MAPK9: variants seen among roughly 807,000 people sequenced by gnomAD.
MAPK9 encodes Jun kinase.
Under a neutral mutation model 57.1 loss-of-function variants are expected in MAPK9, and 30 were observed. The observed-to-expected ratio is 0.53, with a 90% CI of 0.39 to 0.71. The LOEUF (loss-of-function observed/expected upper bound fraction) is 0.71. Ranked by LOEUF, MAPK9 falls within the 30% of genes least tolerant of loss-of-function variation. The pLI is 0.00. For missense variants in MAPK9, 362 were observed against 521.0 expected (o/e 0.69, Z 2.97); for synonymous variants, 155 against 177.0 (o/e 0.88, Z 0.99).
intron 8 of MAPK9, among the ~76,000 whole-genome samples, chr5:180,241,901 C>T (rs908553580): frequency 3.3e-5 from 5 of 152,204 alleles, no homozygotes; most frequent in African/African-American, 1.2e-4. Flanking sequence ...ACTTTTCAAA[C>T]CACACAACAA....
intron 5 of MAPK9, among the ~76,000 whole-genome samples, chr5:180,259,634 G>A (rs1759705579): frequency 6.6e-6 from 1 of 152,116 alleles, no homozygotes; most frequent in Non-Finnish European, 1.5e-5. Flanking sequence ...TTGACTGTAA[G>A]GAATGTGGTC....
chr5:180,283,700 C>T (rs993176598), intron 1 of MAPK9, among the ~76,000 whole-genome samples: 1 of 152,182 alleles, frequency 6.6e-6, no homozygotes, highest in Non-Finnish European at 1.5e-5. Context: ...CTTTGGGAGG[C>T]CAACGTGGGG....
chr5:180,276,215 T>C (rs893743788), intron 2 of MAPK9, among the ~76,000 whole-genome samples: 6 of 152,332 alleles, frequency 3.9e-5, no homozygotes, highest in Middle Eastern at 3.4e-3. Flanking sequence ...AAATAAACCA[T>C]GTTAAGAACA....
At chr5:180,281,058 C>G (rs1762275029) in intron 1 of MAPK9, among the ~76,000 whole-genome samples, 1 of 152,202 alleles carries the variant, frequency 6.6e-6, no homozygotes, top group African/African-American at 2.4e-5. Flanking sequence ...CAGTCTTCTG[C>G]TCAGTGTATA....
At chr5:180,283,139 T>C (rs907999756) in intron 1 of MAPK9, among the ~76,000 whole-genome samples, 1 of 152,146 alleles carries the variant, frequency 6.6e-6, no homozygotes, top group African/African-American at 2.4e-5. Context: ...CTCGCTTTCA[T>C]AAGAGAAGCC....
chr5:180,287,134 A>T (rs1762839489), intron 1 of MAPK9: 1 of 152,244 alleles, frequency 6.6e-6, no homozygotes, highest in African/African-American at 2.4e-5. Context: ...AATGGTGGGG[A>T]AAAGGGGCTG....
intron 1 of MAPK9, 96 bp downstream of exon 1, chr5:180,291,752 C>T (rs2127640097): frequency 6.7e-6 from 1 of 149,422 alleles, no homozygotes; most frequent in Admixed American, 6.7e-5. Flanking sequence ...CCCCGGCCCG[C>T]CCCGAAGCCC....
chr5:180,259,579 G>A (rs1306515042), intron 5 of MAPK9, among the ~76,000 whole-genome samples: 1 of 150,950 alleles, frequency 6.6e-6, no homozygotes, highest in Non-Finnish European at 1.5e-5. Flanking sequence ...AGACATTCCA[G>A]TTCTCTATGT....
At position 180,261,734 on chromosome 5, in the gene MAPK9, G is replaced by T; in HGVS notation, c.400C>A (p.Gln134Lys). 1 of 1,612,908 alleles carries T rather than the reference G, an allele frequency of 6.2e-7. No homozygotes were observed. The highest frequency in any genetic ancestry group is 8.5e-7 in the Non-Finnish European group (1 of 1,179,232). The change falls in exon 5 of 12, where the codon CAG becomes AAG. Residue 134 changes from glutamine (Q) to lysine (K), a missense_variant. Gln to Lys is a moderately conservative substitution (Grantham distance 53, BLOSUM62 1). Around this residue, in one of 3 missense-constraint regions of MAPK9, gnomAD observed 127 missense variants for 231.7 expected, o/e 0.55. Coordinates refer to ENST00000452135, the MANE Select transcript of MAPK9 (RefSeq NM_002752.5). ...AGATGTTTAATACCACAAAGCATCT[G>T]GTAAAGAAGGTAGGACATTCTTTCA... ...DHERMSYLLY[Q>K]MLCGIKHLHS...
intron 1 of MAPK9, among the ~76,000 whole-genome samples, chr5:180,282,215 T>C (rs1762373307): frequency 6.6e-6 from 1 of 152,242 alleles, no homozygotes; most frequent in Non-Finnish European, 1.5e-5. Context: ...ATTTTACTGA[T>C]ATCTAAAGGA....
At chr5:180,289,574 C>T (rs1763052582) in intron 1 of MAPK9, among the ~76,000 whole-genome samples, 6 of 152,146 alleles carry the variant, frequency 3.9e-5, no homozygotes, top group Admixed American at 3.9e-4. Flanking sequence ...CAGCTGCTTG[C>T]TAAGAAACAG....
intron 8 of MAPK9, among the ~76,000 whole-genome samples, chr5:180,241,930 T>TAAAAC (rs1757702576): frequency 6.6e-6 from 1 of 152,040 alleles, no homozygotes; most frequent in South Asian, 2.1e-4. Context: ...TCCCACAGGA[T>TAAAAC]AAAACACTCA....
intron 7 of MAPK9, among the ~76,000 whole-genome samples, chr5:180,245,595 A>G (rs991071481): frequency 6.6e-6 from 1 of 152,096 alleles, no homozygotes; most frequent in African/African-American, 2.4e-5. Context: ...GGGGAAGGGG[A>G]ACAATAATTC....
intron 1 of MAPK9, among the ~76,000 whole-genome samples, chr5:180,282,676 A>C (rs1251165731): frequency 6.6e-6 from 1 of 152,194 alleles, no homozygotes; most frequent in Non-Finnish European, 1.5e-5. Flanking sequence ...CTCAGCAAAA[A>C]GGCAGGCACC....
intron 4 of MAPK9, among the ~76,000 whole-genome samples, chr5:180,262,718 T>C (rs1198089836): frequency 2.0e-5 from 3 of 152,178 alleles, no homozygotes. Context: ...ATTACAGGCA[T>C]GAGCCACTGC....
chr5:180,282,907 A>T (rs1177014938), intron 1 of MAPK9, among the ~76,000 whole-genome samples: 1 of 152,166 alleles, frequency 6.6e-6, no homozygotes, highest in African/African-American at 2.4e-5. Flanking sequence ...GAATGGGAGG[A>T]GAAGCAGCAG....
chr5:180,281,865 C>T lies in MAPK9; in HGVS notation c.-47-1257G>A, dbSNP rs565646226. Among the ~76,000 whole-genome samples, 4 of 152,332 alleles carry T rather than the reference C, an allele frequency of 2.6e-5. No homozygotes were observed. The South Asian group carries it at 8.3e-4, about 32-fold the overall frequency. On this transcript the variant is annotated intron_variant, in intron 1 of 11. Transcript: ENST00000452135. ...CTCCTGCCGAGGTGTGTTAGCGTGC[C>T]AGCCAGGGAGTGACTCCAGTGACGC...
chr5:180,238,316 T>C lies in MAPK9; in HGVS notation c.1132+16A>G, dbSNP rs982651611. 1.3e-6 allele frequency: 2 copies of C among 1,595,834 alleles called. No individual in the cohort carries two copies. Among genetic ancestry groups the C allele is most frequent in the Non-Finnish European group, 1.7e-6 (2 of 1,166,398 alleles). The stretch of plus-strand genomic sequence containing the variant: ...GAAAGAAAAATATCATACAATCAAT[T>C]AAAGCAATCACTAACCTGAAGGCTG... On this transcript the variant is annotated intron_variant, in intron 11 of 11. Transcript: ENST00000452135.
At chr5:180,270,729 T>C (rs1044969220) in intron 2 of MAPK9, among the ~76,000 whole-genome samples, 1 of 151,868 alleles carries the variant, frequency 6.6e-6, no homozygotes, top group African/African-American at 2.4e-5. Context: ...TGCATGTCTG[T>C]AGACCCAGTT....
Sources: gnomAD v4.1 joint callset for allele counts (sites outside exome capture counted in the v4.1 genomes callset) on GRCh38, gnomAD v4.1.1 for gene constraint, gnomAD v4.1.1 regional missense constraint, MANE v1.5 for transcripts, NCBI Gene and HGNC (gene_info 2026-07-23, HGNC 2026-07-21) for gene names.